The following ELN variants were observed in gnomAD, a reference collection of about 807,000 sequenced individuals.
ELN encodes the protein tropoelastin.
A neutral mutation model predicts 105.8 loss-of-function variants in ELN; 65 were observed. The ratio of observed to expected loss-of-function variants is 0.61; its 90% CI spans 0.50 to 0.75. The LOEUF (loss-of-function observed/expected upper bound fraction) is 0.75. ELN is among the 30% of genes least tolerant of loss of function. The pLI is 0.00. For synonymous variants in ELN, 368 were observed against 389.2 expected (o/e 0.95, Z 0.64); for missense variants, 882 against 969.4 (o/e 0.91, Z 1.20).
Position 74,060,447 on chromosome 7 carries a change from G to C in ELN, c.1693G>C (p.Gly565Arg). The C allele has an allele frequency of 1.9e-6, 3 of 1,613,752 alleles. No homozygotes were observed. The highest frequency in any genetic ancestry group is 2.5e-6 in the Non-Finnish European group (3 of 1,179,962). Residue 565 changes from glycine to arginine, a missense_variant, in exon 25 of 33, where the codon GGT (glycine) becomes CGT (arginine). Physicochemically the swap from Gly to Arg is moderately radical, Grantham distance 125 (BLOSUM62 -2). Transcript: ENST00000252034. ...TGTCGGCGTCCCTGGACTTGGAGTT[G>C]GTGCTGGTGTTCCTGGACTTGGAGT... ...VGVGVPGLGV[G>R]AGVPGLGVGA...
rs782585405 is a variant in ELN at position 74,059,899 on chromosome 7, TGTC to T, written c.1430_1432del (p.Val477del). The stretch of plus-strand genomic sequence containing the variant: ...TCAATCTTGCAGGGTTAGTTCCTGG[TGTC>T]GGCGTGGCTCCTGGAGTTGGCGTGG... On this transcript the variant is annotated inframe_deletion, in exon 23 of 33. Coordinates refer to ENST00000252034, the MANE Select transcript of ELN (RefSeq NM_000501.4). 5 of 1,354,424 alleles carry T rather than the reference TGTC, an allele frequency of 3.7e-6. No individual in the cohort carries two copies. In the African/African-American group the frequency reaches 5.7e-5, roughly 15 times the overall value. 83.9% of individuals were successfully genotyped at this position (1,354,424 alleles called of 1,614,324 possible).
chr7:74,065,999 TA>T lies in ELN; in HGVS notation c.2086+3del, dbSNP rs1563881894. 1 of 1,614,002 alleles carries T rather than the reference TA, an allele frequency of 6.2e-7. No individual in the cohort carries two copies. Among genetic ancestry groups the T allele is most frequent in the Non-Finnish European group, 8.5e-7 (1 of 1,179,988 alleles). On this transcript the variant is annotated splice_donor_region_variant and intron_variant, in intron 31 of 32. Transcript: ENST00000252034. ...GTGCCGGGCAGTTCCCACTTGGAGGTAGGGGTGGCCAGCTCTGCTACGTAGT... is the reference window on the plus strand; with the variant it reads ...GTGCCGGGCAGTTCCCACTTGGAGGTGGGGTGGCCAGCTCTGCTACGTAGT...
At chr7:74,042,850 G>A in intron 6 of ELN, 134 bp from the exon 7 acceptor site, 1 of 1,545,840 alleles carries the variant, frequency 6.5e-7, no homozygotes, top group Non-Finnish European at 8.9e-7. Flanking sequence ...CAGGGAGGCA[G>A]CTAGCTGTGC....
intron 5 of ELN, among the ~76,000 whole-genome samples, chr7:74,041,960 G>A (rs1490286629): frequency 1.3e-5 from 2 of 151,312 alleles, no homozygotes; most frequent in South Asian, 2.1e-4. Context: ...GGCTGGTCTC[G>A]AACTCCTGGC....
At chr7:74,039,506 G>A (rs1413031024) in intron 4 of ELN, among the ~76,000 whole-genome samples, 1 of 152,232 alleles carries the variant, frequency 6.6e-6, no homozygotes, top group Non-Finnish European at 1.5e-5. Context: ...TCATGCTTGG[G>A]AACAATTAAT....
intron 4 of ELN, 168 bp downstream of exon 4, chr7:74,037,907 C>A (rs1554666651): frequency 1.5e-5 from 15 of 1,004,488 alleles, no homozygotes; most frequent in Non-Finnish European, 2.1e-5. Context: ...GATGAGTAGG[C>A]CGGGGCCAGG....
Position 74,066,888 on chromosome 7 carries a change from C to A in ELN, c.2131+112C>A. ...GGCTGAGCCAGCACCCAGGGGTGGA[C>A]CCCACAGCCTCAGGTCACACGAGGC... On this transcript the variant is annotated intron_variant, in intron 32 of 32. Coordinates refer to ENST00000252034, the MANE Select transcript of ELN (RefSeq NM_000501.4). 14 of 1,166,018 alleles carry A rather than the reference C, an allele frequency of 1.2e-5. No homozygotes were observed. The South Asian group carries it at 1.7e-4, about 14-fold the overall frequency. 72.2% of individuals were successfully genotyped at this position (1,166,018 alleles called of 1,614,324 possible). A position where few individuals can be genotyped will look rare whatever the true frequency, so the allele number is the denominator to read the frequency against.
At chr7:74,044,780 G>A (rs1554670938) in intron 9 of ELN, among the ~76,000 whole-genome samples, 1 of 152,242 alleles carries the variant, frequency 6.6e-6, no homozygotes, top group African/African-American at 2.4e-5. Context: ...GACAGGAGAG[G>A]TGGAAGACGC....
chr7:74,036,737 T>G (rs1790043180), intron 3 of ELN, among the ~76,000 whole-genome samples, 153 bp downstream of exon 3: 1 of 152,186 alleles, frequency 6.6e-6, no homozygotes, highest in South Asian at 2.1e-4. Flanking sequence ...GAGGCTTCTT[T>G]GAGAACCAGA....
intron 20 of ELN, 39 bp downstream of exon 20, chr7:74,056,474 G>A: frequency 6.2e-7 from 1 of 1,612,340 alleles, no homozygotes; most frequent in Non-Finnish European, 8.5e-7. Context: ...GGTTGAGAAG[G>A]GATGGGGGCT....
chr7:74,050,270 C>A (rs1450768495), intron 15 of ELN, among the ~76,000 whole-genome samples: 3 of 151,468 alleles, frequency 2.0e-5, no homozygotes, highest in Admixed American at 2.0e-4. Flanking sequence ...TCCATTCTTC[C>A]CTCTATCCAT....
intron 6 of ELN, 121 bp from the exon 7 acceptor site, chr7:74,042,863 A>C: frequency 6.4e-7 from 1 of 1,570,044 alleles, no homozygotes; most frequent in Non-Finnish European, 8.7e-7. Context: ...AGCTGTGCCC[A>C]GTCTGAAGGT....
intron 13 of ELN, 66 bp from the exon 14 acceptor site, chr7:74,048,076 G>A: frequency 1.3e-6 from 2 of 1,596,044 alleles, no homozygotes; most frequent in Non-Finnish European, 1.7e-6. Context: ...GGGCAGAGCA[G>A]GGGGAGGGGG....
At chr7:74,053,760 A>T (rs1187609564) in intron 18 of ELN, among the ~76,000 whole-genome samples, 2 of 149,970 alleles carry the variant, frequency 1.3e-5, no homozygotes, top group African/African-American at 4.9e-5. Flanking sequence ...GGGTGGGTGG[A>T]TGGATGGATG....
rs782102594 is a variant in ELN, at chr7:74,060,012, G to A, written c.1541G>A (p.Gly514Asp). Residue 514 changes from glycine to aspartate, a missense_variant, in exon 23 of 33, where the codon GGC (glycine) becomes GAC (aspartate). Coordinates refer to ENST00000252034, the MANE Select transcript of ELN (RefSeq NM_000501.4). The part of the protein sequence containing the change: ...APGVGVAPGV[G>D]VAPGIGPGGV... ...GGAGTTGGTGTGGCTCCTGGCGTTG[G>A]CGTGGCTCCCGGCATTGGCCCTGGT... 1 of 1,614,080 alleles carries A rather than the reference G, an allele frequency of 6.2e-7. No individual in the cohort carries two copies. Among genetic ancestry groups the A allele is most frequent in the South Asian group, 1.1e-5 (1 of 91,084 alleles).
In ELN at chr7:74,057,822, G is replaced by C. The variant is rs1339561268; in HGVS notation, c.1414+126G>C. 13 of 1,122,728 alleles carry C rather than the reference G, an allele frequency of 1.2e-5. No homozygotes were observed. The South Asian group carries it at 1.7e-4, about 15-fold the overall frequency. The allele number at this position is 1,122,728 out of a possible 1,614,324, so 69.5% of individuals were successfully genotyped here. On this transcript the variant is annotated intron_variant, in intron 22 of 32. Transcript: ENST00000252034. The stretch of plus-strand genomic sequence containing the variant: ...ACTTAAGCTGTCACATTCTGGGGTG[G>C]GCCCTCCTTAGACCTTTTGGCCCAC...
intron 25 of ELN, 141 bp downstream of exon 25, chr7:74,060,642 G>A (rs1554683892): frequency 6.4e-7 from 1 of 1,554,034 alleles, no homozygotes; most frequent in African/African-American, 1.4e-5. Flanking sequence ...AAGCATCTGG[G>A]GGTAACAGAT....
chr7:74,042,723 G>A lies in ELN; in HGVS notation c.325+17G>A. 6.2e-7 allele frequency: 1 copy of A among 1,611,386 alleles called. No homozygotes were observed. The highest frequency in any genetic ancestry group is 2.2e-5 in the East Asian group (1 of 44,878). The stretch of plus-strand genomic sequence containing the variant: ...CTAAGGCTGGTGAGTGGTGCTCTTT[G>A]GGACATGCCACAAGCCCTCTGGCTT... On this transcript the variant is annotated intron_variant, in intron 6 of 32. Transcript: ENST00000252034.
intron 3 of ELN, among the ~76,000 whole-genome samples, chr7:74,037,051 C>G (rs1265248682): frequency 6.6e-6 from 1 of 151,888 alleles, no homozygotes; most frequent in African/African-American, 2.4e-5. Context: ...GAACTCCCAA[C>G]TTCAAGTGAT....
Sources: gnomAD v4.1 joint callset for allele counts (sites outside exome capture counted in the v4.1 genomes callset) on GRCh38, gnomAD v4.1.1 for gene constraint, MANE v1.5 for transcripts, NCBI Gene and HGNC (gene_info 2026-07-23, HGNC 2026-07-21) for gene names.